The following HOXB6 variants were observed in gnomAD, a reference collection of about 807,000 sequenced individuals.
HOXB6 encodes the protein homeobox protein Hox-B6.
In HOXB6, 18 loss-of-function variants were observed where a neutral mutation model predicts 24.2. The ratio of observed to expected loss-of-function variants is 0.74; its 90% confidence interval spans 0.51 to 1.10. HOXB6 has a LOEUF of 1.10. Among genes scored for constraint, HOXB6 ranks in the 50% least tolerant of loss-of-function variants. The pLI is 0.00. For missense variants in HOXB6, 332 were observed against 308.3 expected, an observed-to-expected ratio of 1.08 and a Z score of -0.58; for synonymous variants, 159 against 139.1, an observed-to-expected ratio of 1.14 and a Z score of -1.01.
Position 48,597,924 on chromosome 17 carries a change from G to T in HOXB6, c.227C>A (p.Pro76Gln), listed in dbSNP as rs1349228238. The T allele has an allele frequency of 5.7e-6, 9 of 1,574,356 alleles. No homozygotes were observed. In the African/African-American group the frequency reaches 1.2e-4, roughly 21 times the overall value. Residue 76 changes from proline (P) to glutamine (Q), a missense_variant, in exon 3 of 4, where the codon CCG (proline) becomes CAG (glutamine). Pro to Gln is a moderately conservative substitution (Grantham distance 76, BLOSUM62 -1). Coordinates refer to ENST00000225648, the MANE Select transcript of HOXB6 (RefSeq NM_018952.5). ...TTTCTCGCGGTAGAAGGCCGGCGCC[G>T]GCCCGTAGTCGCAGGGCGCCGCTCG... is the stretch of plus-strand genomic sequence containing the variant. ...YGRAAPCDYG[P>Q]APAFYREKES...
Position 48,596,407 on chromosome 17 carries a change from G to A in HOXB6, c.*6C>T, listed in dbSNP as rs2144950529. ...CCCTCGCGTCCTCCCTCCCTTTCCA[G>A]CACCTTCACTCGGCCTGTTTTTCTT... On this transcript the variant is annotated 3_prime_UTR_variant, in exon 4 of 4. Coordinates refer to ENST00000225648, the MANE Select transcript of HOXB6 (RefSeq NM_018952.5). The surrounding 1 kb of genome is among the most constrained non-coding windows in gnomAD (Gnocchi z 4.8). 6.2e-7 allele frequency: 1 copy of A among 1,614,128 alleles called. No homozygotes were observed. Among genetic ancestry groups the A allele is most frequent in the Non-Finnish European group, 8.5e-7 (1 of 1,180,016 alleles).
At position 48,596,978 on chromosome 17, in the gene HOXB6, C is replaced by CATCCA; in HGVS notation, c.416-311_416-307dup. 1 of 1,291,486 alleles carries CATCCA rather than the reference C, an allele frequency of 7.7e-7. No homozygotes were observed. Among genetic ancestry groups the CATCCA allele is most frequent in the East Asian group, 3.6e-5 (1 of 27,778 alleles). 80.0% of individuals were successfully genotyped at this position (1,291,486 alleles called of 1,614,324 possible). The stretch of plus-strand genomic sequence containing the variant: ...TGCATCTTGTCTTTCCCTCCCTTTC[C>CATCCA]ATCCATCTTGTTCCCACCCCCCGTC... On this transcript the variant is annotated intron_variant, in intron 3 of 3. Transcript: ENST00000225648. This position sits in a 1 kb window ranked among gnomAD's most constrained non-coding sequence, Gnocchi z 4.8.
At position 48,598,060 on chromosome 17, in the gene HOXB6, C is replaced by T. The variant is rs762346893; in HGVS notation, c.91G>A (p.Gly31Ser). ...FLGQLPLYSSGYADPLRHYPA... is the reference protein window; with the variant it reads ...FLGQLPLYSSSYADPLRHYPA... ...TAATGTCTCAGCGGGTCCGCATAGC[C>T]CGACGAATAGAGCGGTAGCTGGCCC... Residue 31 changes from glycine to serine, a missense_variant, in exon 3 of 4, where the codon GGC (glycine) becomes AGC (serine). Coordinates refer to ENST00000225648, the MANE Select transcript of HOXB6 (RefSeq NM_018952.5). 6.9e-6 allele frequency: 11 copies of T among 1,604,194 alleles called. No individual in the cohort carries two copies. The Admixed American group carries it at 1.7e-4, about 25-fold the overall frequency.
Position 48,603,322 on chromosome 17 carries a change from A to G in HOXB6, c.-79+1158T>C, listed in dbSNP as rs377043605. On this transcript the variant is annotated intron_variant, in intron 2 of 3. Transcript: ENST00000225648. ...CTACTTCCACCCCACGAGCTACTTT[A>G]GGAATCTCTGTCACCTGCCCAATGT... is the stretch of plus-strand genomic sequence containing the variant. Among the ~76,000 whole-genome samples, 29 of 152,118 alleles carry G rather than the reference A, an allele frequency of 1.9e-4. 1 individual carries two copies. The East Asian group carries it at 3.7e-3, about 19-fold the overall frequency.
intron 2 of HOXB6, chr17:48,601,562 G>C (rs974337534): frequency 3.3e-5 from 5 of 153,332 alleles, no homozygotes; most frequent in East Asian, 1.9e-4. Context: ...CTCCCTCAGG[G>C]CCTCCTATAG....
intron 2 of HOXB6, chr17:48,601,294 T>C (rs1460406313): frequency 6.6e-6 from 1 of 152,154 alleles, no homozygotes; most frequent in African/African-American, 2.4e-5. Flanking sequence ...ATGAGACACT[T>C]TGCCCTAAAA....
chr17:48,598,035 T>G lies in HOXB6; in HGVS notation c.116A>C (p.Tyr39Ser), dbSNP rs1597874691. 6.3e-7 allele frequency: 1 copy of G among 1,598,402 alleles called. No individual in the cohort carries two copies. Among genetic ancestry groups the G allele is most frequent in the Non-Finnish European group, 8.5e-7 (1 of 1,173,148 alleles). ...SSGYADPLRHYPAPYGPGPGQ... is the reference protein window; with the variant it reads ...SSGYADPLRHSPAPYGPGPGQ... ...CGGCCCTGGCCCGTAGGGCGCGGGG[T>G]AATGTCTCAGCGGGTCCGCATAGCC... is the stretch of plus-strand genomic sequence containing the variant. Residue 39 changes from tyrosine to serine, a missense_variant, in exon 3 of 4, where the codon TAC (tyrosine) becomes TCC (serine). Transcript: ENST00000225648.
rs768603811 is a variant in HOXB6 at position 48,597,859 on chromosome 17, G to A, written c.292C>T (p.Pro98Ser). 5.0e-6 allele frequency: 8 copies of A among 1,596,112 alleles called. No individual in the cohort carries two copies. In the African/African-American group the frequency reaches 9.4e-5, roughly 19 times the overall value. Residue 98 changes from proline to serine, a missense_variant, in exon 3 of 4, where the codon CCG becomes TCG. By Grantham distance (74) the Pro-to-Ser change is moderately conservative. Coordinates refer to ENST00000225648, the MANE Select transcript of HOXB6 (RefSeq NM_018952.5). ...CALSGADEQP[P>S]FHPEPRKSDC... ...GACTTCCGCGGCTCGGGGTGGAACG[G>A]GGGCTGCTCGTCGGCGCCGGAGAGT... is the stretch of plus-strand genomic sequence containing the variant.
chr17:48,596,557 G>T lies in HOXB6; in HGVS notation c.531C>A (p.Ile177=). 1 of 1,614,218 alleles carries T rather than the reference G, an allele frequency of 6.2e-7. No homozygotes were observed. Among genetic ancestry groups the T allele is most frequent in the Non-Finnish European group, 8.5e-7 (1 of 1,180,046 alleles). The part of the protein sequence containing the change: ...YNRYLTRRRR[I]EIAHALCLTE... ...TCAGGCACAGGGCGTGCGCGATCTCGATGCGCCGCCGCCGCGTCAGGTAGC... is the reference window on the plus strand; with the variant it reads ...TCAGGCACAGGGCGTGCGCGATCTCTATGCGCCGCCGCCGCGTCAGGTAGC... The change falls in exon 4 of 4, where the codon ATC becomes ATA. Residue 177 remains isoleucine (I), a synonymous_variant. Coordinates refer to ENST00000225648, the MANE Select transcript of HOXB6 (RefSeq NM_018952.5). The surrounding 1 kb of genome is among the most constrained non-coding windows in gnomAD (Gnocchi z 4.8).
In HOXB6 at chr17:48,596,018, C is replaced by T; in HGVS notation, c.*395G>A. The T allele has an allele frequency of 2.1e-6, 1 of 467,020 alleles. No individual in the cohort carries two copies. 28.9% of individuals were successfully genotyped at this position (467,020 alleles called of 1,614,324 possible). On this transcript the variant is annotated 3_prime_UTR_variant, in exon 4 of 4. Coordinates refer to ENST00000225648, the MANE Select transcript of HOXB6 (RefSeq NM_018952.5). The surrounding 1 kb of genome is among the most constrained non-coding windows in gnomAD (Gnocchi z 4.8). Reference sequence around the variant, plus strand: ...GGGATCAGGGAGTCTTCAAGGCCCCCGCTGAGGGGACAGCGAATCTACCAT... The same window carrying T: ...GGGATCAGGGAGTCTTCAAGGCCCCTGCTGAGGGGACAGCGAATCTACCAT...
At chr17:48,599,831 C>T (rs1401938142) in intron 2 of HOXB6, among the ~76,000 whole-genome samples, 1 of 152,212 alleles carries the variant, frequency 6.6e-6, no homozygotes, top group African/African-American at 2.4e-5. Context: ...GGCTGACCCT[C>T]CTCTGCCTTG....
Position 48,596,041 on chromosome 17 carries a change from C to G in HOXB6, c.*372G>C. Reference sequence around the variant, plus strand: ...CCCGCTGAGGGGACAGCGAATCTACCATTGAACCGTGCACGGGGGACATGG... The same window carrying G: ...CCCGCTGAGGGGACAGCGAATCTACGATTGAACCGTGCACGGGGGACATGG... On this transcript the variant is annotated 3_prime_UTR_variant, in exon 4 of 4. Transcript: ENST00000225648. This position sits in a 1 kb window ranked among gnomAD's most constrained non-coding sequence, Gnocchi z 4.8. 1 of 477,892 alleles carries G rather than the reference C, an allele frequency of 2.1e-6. No individual in the cohort carries two copies. The allele number at this position is 477,892 out of a possible 1,614,324, so 29.6% of individuals were successfully genotyped here.
chr17:48,596,404 C>T lies in HOXB6; in HGVS notation c.*9G>A. Reference sequence around the variant, plus strand: ...TTCCCCTCGCGTCCTCCCTCCCTTTCCAGCACCTTCACTCGGCCTGTTTTT... The same window carrying T: ...TTCCCCTCGCGTCCTCCCTCCCTTTTCAGCACCTTCACTCGGCCTGTTTTT... On this transcript the variant is annotated 3_prime_UTR_variant, in exon 4 of 4. Coordinates refer to ENST00000225648, the MANE Select transcript of HOXB6 (RefSeq NM_018952.5). This position sits in a 1 kb window ranked among gnomAD's most constrained non-coding sequence, Gnocchi z 4.8. The T allele has an allele frequency of 1.2e-6, 2 of 1,614,244 alleles. No homozygotes were observed. The highest frequency in any genetic ancestry group is 1.7e-6 in the Non-Finnish European group (2 of 1,180,036).
chr17:48,597,006 C>G (rs114989090), intron 3 of HOXB6: 22,267 of 1,030,050 alleles, frequency 0.022, 413 homozygotes, highest in African/African-American at 0.086. Context: ...CCCCCGTCAT[C>G]CCCCCAACCC....
At position 48,597,799 on chromosome 17, in the gene HOXB6, T is replaced by C. The variant is rs767983153; in HGVS notation, c.352A>G (p.Thr118Ala). 4.3e-6 allele frequency: 7 copies of C among 1,611,054 alleles called. No homozygotes were observed. The highest frequency in any genetic ancestry group is 5.9e-6 in the Non-Finnish European group (7 of 1,178,776). The change falls in exon 3 of 4, where the codon ACA becomes GCA. Residue 118 changes from threonine to alanine, a missense_variant. Physicochemically the swap from Thr to Ala is moderately conservative, Grantham distance 58 (BLOSUM62 0). Transcript: ENST00000225648. Reference sequence around the variant, plus strand: ...GGAGTGGAGCACTTCTGCTCTTCTGTCTCGCCGAACACGCTCTTGTCCTGC... The same window carrying C: ...GGAGTGGAGCACTTCTGCTCTTCTGCCTCGCCGAACACGCTCTTGTCCTGC... ...CAQDKSVFGE[T>A]EEQKCSTPVY... is the part of the protein sequence containing the mutation.
Position 48,598,180 on chromosome 17 carries a change from G to T in HOXB6, c.-30C>A. 2 of 1,543,850 alleles carry T rather than the reference G, an allele frequency of 1.3e-6. No individual in the cohort carries two copies. Among genetic ancestry groups the T allele is most frequent in the East Asian group, 4.6e-5 (2 of 43,678 alleles). On this transcript the variant is annotated 5_prime_UTR_variant, in exon 3 of 4. Transcript: ENST00000225648. The stretch of plus-strand genomic sequence containing the variant: ...AGGGGAGGCGCGCGCGGCCGCTGCT[G>T]CTCCGCCGGGTTTATGATTTGTTGT...
rs929297284 is a variant in HOXB6 at position 48,597,773 on chromosome 17, C to T, written c.378G>A (p.Pro126=). The T allele has an allele frequency of 2.5e-6, 4 of 1,612,728 alleles. No individual in the cohort carries two copies. Among genetic ancestry groups the T allele is most frequent in the East Asian group, 2.2e-5 (1 of 44,840 alleles). Residue 126 remains proline (P), a synonymous_variant, in exon 3 of 4, where the codon CCG becomes CCA. Transcript: ENST00000225648. ...TCATCCGCTGCATCCACGGGTAGAC[C>T]GGAGTGGAGCACTTCTGCTCTTCTG... The part of the protein sequence containing the change: ...GETEEQKCST[P]VYPWMQRMNS...
At chr17:48,603,269 T>A (rs140432806) in intron 2 of HOXB6, among the ~76,000 whole-genome samples, 1 of 152,260 alleles carries the variant, frequency 6.6e-6, no homozygotes, top group Non-Finnish European at 1.5e-5. Context: ...CTTACCCCAT[T>A]TTTAAGTCCT....
At chr17:48,602,177 C>T (rs1567976232) in intron 2 of HOXB6, 1 of 456,126 alleles carries the variant, frequency 2.2e-6, no homozygotes, top group Non-Finnish European at 4.4e-6. Flanking sequence ...TCACCACGGA[C>T]CCACCAACCA....
Sources: gnomAD v4.1 joint callset for allele counts (sites outside exome capture counted in the v4.1 genomes callset) on GRCh38, gnomAD v4.1.1 for gene constraint, Gnocchi (gnomAD v3.1) non-coding constraint, MANE v1.5 for transcripts, NCBI Gene and HGNC (gene_info 2026-07-23, HGNC 2026-07-21) for gene names.